Variants in SHISA9 observed in about 807,000 individuals in gnomAD.
SHISA9 encodes the protein protein shisa-9.
Under a neutral mutation model 38.0 loss-of-function variants are expected in SHISA9, and 13 were observed. The ratio of observed to expected loss-of-function variants is 0.34; its 90% CI spans 0.22 to 0.54. SHISA9 has a LOEUF of 0.54. SHISA9 is among the 20% of genes least tolerant of loss of function. SHISA9 has a pLI of 0.91. For missense variants in SHISA9, 538 were observed against 575.8 expected (o/e 0.93, Z 0.67); for synonymous variants, 275 against 242.0 (o/e 1.14, Z -1.27).
At chr16:13,022,669 G>C (rs2141867952) in intron 2 of SHISA9, among the ~76,000 whole-genome samples, 1 of 152,208 alleles carries the variant, frequency 6.6e-6, no homozygotes, top group Non-Finnish European at 1.5e-5. Flanking sequence ...GTCTCACTCT[G>C]TTGCCCAGGT....
chr16:13,142,430 G>A (rs1330414982), intron 2 of SHISA9, among the ~76,000 whole-genome samples: 1 of 152,154 alleles, frequency 6.6e-6, no homozygotes, highest in Non-Finnish European at 1.5e-5. Flanking sequence ...TTCATGCTCT[G>A]GCTAGATGCA....
chr16:13,262,670 A>AAGGAAGGAAGGGAGGAAGGGAGGG, the SHISA9 span, among the ~76,000 whole-genome samples: 1 of 70,668 alleles, frequency 1.4e-5, no homozygotes. Context: ...GGAAGGAAGG[A>AAGGAAGGAAGGGAGGAAGGGAGGG]AGGGAGGGAG....
intron 2 of SHISA9, among the ~76,000 whole-genome samples, chr16:13,107,587 A>G (rs1170021136): frequency 6.6e-6 from 1 of 151,992 alleles, no homozygotes; most frequent in Non-Finnish European, 1.5e-5. Flanking sequence ...ATAGGTCCAG[A>G]ATTTACAGGG....
At chr16:12,941,543 T>G (rs2071611825) in intron 2 of SHISA9, among the ~76,000 whole-genome samples, 1 of 152,212 alleles carries the variant, frequency 6.6e-6, no homozygotes, top group Admixed American at 6.5e-5. Context: ...ATTATACTCC[T>G]TCAGTTATTT....
the SHISA9 span, among the ~76,000 whole-genome samples, chr16:13,282,514 C>G: frequency 6.6e-6 from 1 of 151,914 alleles, no homozygotes; most frequent in African/African-American, 2.4e-5. Flanking sequence ...CTATAACTTA[C>G]TGTTATATAT....
rs188027786 is a variant in SHISA9, at chr16:13,176,961, A to G, written c.692-26433A>G. On this transcript the variant is annotated intron_variant, in intron 2 of 4. Coordinates refer to ENST00000558583, the MANE Select transcript of SHISA9 (RefSeq NM_001145204.3). ...AGGCTGGGGAGGACACATGACTCCA[A>G]TTACAGACTGTCTCCCAGCTTTTGA... Among the ~76,000 whole-genome samples the G allele has an allele frequency of 5.0e-4, 76 of 152,258 alleles. 1 individual carries two copies. In the South Asian group the frequency reaches 8.7e-3, roughly 17 times the overall value.
chr16:13,362,138 C>G, the SHISA9 span, among the ~76,000 whole-genome samples: 3 of 145,618 alleles, frequency 2.1e-5, no homozygotes, highest in African/African-American at 7.6e-5. Context: ...CCAAGGCAGG[C>G]AGATTGCTTA....
intron 2 of SHISA9, among the ~76,000 whole-genome samples, chr16:13,048,284 A>C (rs1173320271): frequency 6.6e-6 from 1 of 152,232 alleles, no homozygotes; most frequent in African/African-American, 2.4e-5. Context: ...GCATAACTCA[A>C]AATCAGATGG....
the SHISA9 span, among the ~76,000 whole-genome samples, chr16:13,493,860 A>G: frequency 4.6e-5 from 7 of 152,210 alleles, no homozygotes; most frequent in Admixed American, 3.9e-4. Context: ...GGATCAATAC[A>G]TACATTACAC....
rs117841021 is a variant in SHISA9, at chr16:12,994,672, A to G, written c.691+77857A>G. Among the ~76,000 whole-genome samples the G allele has an allele frequency of 6.0e-3, 918 of 152,320 alleles. 7 individuals are homozygous for G. Among genetic ancestry groups the G allele is most frequent in the Middle Eastern group, 0.034 (10 of 294 alleles). On this transcript the variant is annotated intron_variant, in intron 2 of 4. Transcript: ENST00000558583. ...TGACTCACTGTGGTATCCAACCACT[A>G]AGATTTCAGGGTTGTTTGTTACTGC... is the stretch of plus-strand genomic sequence containing the variant.
At chr16:13,251,484 C>T in the SHISA9 span, among the ~76,000 whole-genome samples, 2 of 152,116 alleles carry the variant, frequency 1.3e-5, no homozygotes, top group Non-Finnish European at 2.9e-5. Flanking sequence ...TAACACACCA[C>T]GGCCCAAACT....
At chr16:13,003,726 T>C (rs2072555692) in intron 2 of SHISA9, among the ~76,000 whole-genome samples, 1 of 151,984 alleles carries the variant, frequency 6.6e-6, no homozygotes, top group Admixed American at 6.5e-5. Context: ...GGCATGGTGG[T>C]GTGTGCCTGT....
chr16:13,241,900 C>G (rs1219813877), downstream of SHISA9, among the ~76,000 whole-genome samples: 1 of 152,164 alleles, frequency 6.6e-6, no homozygotes, highest in Non-Finnish European at 1.5e-5. Context: ...GCTGGAGTCA[C>G]TCACATCAGA....
At position 13,001,705 on chromosome 16, in the gene SHISA9, C is replaced by A. The variant is rs530576877; in HGVS notation, c.691+84890C>A. Among the ~76,000 whole-genome samples, 16 of 152,252 alleles carry A rather than the reference C, an allele frequency of 1.1e-4. No individual in the cohort carries two copies. In the East Asian group the frequency reaches 3.1e-3, roughly 29 times the overall value. On this transcript the variant is annotated intron_variant, in intron 2 of 4. Transcript: ENST00000558583. ...TAGTATTCCTAAGATTTGTGTCTTA[C>A]ATTCTAAATAAATTTCATCTCGGAA...
intron 4 of SHISA9, among the ~76,000 whole-genome samples, chr16:13,224,109 G>C (rs986231532): frequency 1.3e-5 from 2 of 152,218 alleles, no homozygotes; most frequent in Non-Finnish European, 2.9e-5. Flanking sequence ...TAAATTCCTA[G>C]TGAAGGCAGT....
the SHISA9 span, among the ~76,000 whole-genome samples, chr16:13,282,914 T>C: frequency 1.3e-5 from 2 of 152,186 alleles, no homozygotes; most frequent in Non-Finnish European, 2.9e-5. Context: ...TTTAGGTTTT[T>C]TTAAATATCA....
the SHISA9 span, among the ~76,000 whole-genome samples, chr16:13,350,951 A>G: frequency 6.6e-6 from 1 of 152,184 alleles, no homozygotes; most frequent in African/African-American, 2.4e-5. Context: ...AATATTTTCT[A>G]CCGACAGTAC....
At chr16:13,194,701 C>G (rs1697552693) in intron 2 of SHISA9, among the ~76,000 whole-genome samples, 1 of 152,158 alleles carries the variant, frequency 6.6e-6, no homozygotes, top group Non-Finnish European at 1.5e-5. Flanking sequence ...CATCCAGAGC[C>G]AAGCCCACAC....
intron 2 of SHISA9, among the ~76,000 whole-genome samples, chr16:13,112,657 C>A (rs937740155): frequency 1.3e-5 from 2 of 151,652 alleles, no homozygotes; most frequent in African/African-American, 4.9e-5. Flanking sequence ...AATTAAAGAC[C>A]AGTCAAGGGG....
Sources: gnomAD v4.1 joint callset for allele counts (sites outside exome capture counted in the v4.1 genomes callset) on GRCh38, gnomAD v4.1.1 for gene constraint, MANE v1.5 for transcripts, NCBI Gene and HGNC (gene_info 2026-07-23, HGNC 2026-07-21) for gene names.